The following RSRC1 variants were observed in gnomAD, a reference collection of about 807,000 sequenced individuals.
RSRC1 encodes the protein arginine and serine rich coiled-coil 1, also known as serine/Arginine-related protein 53.
RSRC1 carries 39 observed loss-of-function variants against 49.1 expected under a neutral mutation model. The observed-to-expected ratio is 0.79, with a 90% confidence interval of 0.61 to 1.04. RSRC1 has a LOEUF of 1.04. Among genes scored for constraint, RSRC1 ranks in the 50% least tolerant of loss-of-function variants. RSRC1 has a pLI of 0.00. For synonymous variants in RSRC1, 143 were observed against 130.8 expected, an observed-to-expected ratio of 1.09 and a Z score of -0.63; for missense variants, 388 against 402.4, an observed-to-expected ratio of 0.96 and a Z score of 0.31.
intron 6 of RSRC1, among the ~76,000 whole-genome samples, chr3:158,358,280 G>A (rs9861869): frequency 0.012 from 1,790 of 152,180 alleles, 29 homozygotes; most frequent in African/African-American, 0.041. Context: ...TTTTATAGGC[G>A]ATAATTCACC....
chr3:158,235,251 ATTGT>A (rs1357016020), intron 4 of RSRC1, among the ~76,000 whole-genome samples: 2 of 152,110 alleles, frequency 1.3e-5, no homozygotes, highest in Non-Finnish European at 2.9e-5. Flanking sequence ...CAGGTTGAAC[ATTGT>A]TTGTCCTAGA....
At chr3:158,285,671 A>G (rs1455755133) in intron 4 of RSRC1, among the ~76,000 whole-genome samples, 1 of 151,954 alleles carries the variant, frequency 6.6e-6, no homozygotes, top group African/African-American at 2.4e-5. Flanking sequence ...ATGGGAGTTC[A>G]CTCATGATTT....
intron 7 of RSRC1, among the ~76,000 whole-genome samples, chr3:158,493,136 G>A (rs913572952): frequency 6.6e-6 from 1 of 152,194 alleles, no homozygotes; most frequent in African/African-American, 2.4e-5. Flanking sequence ...GTAGATTGAA[G>A]TAAAGTGAGA....
intron 7 of RSRC1, among the ~76,000 whole-genome samples, chr3:158,511,218 C>G (rs1359213706): frequency 2.0e-5 from 3 of 152,036 alleles, no homozygotes; most frequent in Non-Finnish European, 4.4e-5. Flanking sequence ...AACTCGTCAT[C>G]TAGCATTAGG....
At chr3:158,115,986 G>A (rs1413097155) in intron 1 of RSRC1, among the ~76,000 whole-genome samples, 1 of 152,124 alleles carries the variant, frequency 6.6e-6, no homozygotes, top group Admixed American at 6.5e-5. Context: ...CTTTACCCAC[G>A]CATGGTTTTG....
intron 2 of RSRC1, 145 bp downstream of exon 2, chr3:158,122,443 T>C: frequency 3.6e-6 from 2 of 553,998 alleles, no homozygotes; most frequent in Non-Finnish European, 3.0e-6. Context: ...GTTTTTTTGT[T>C]CCACCAGGTC....
At chr3:158,530,938 A>G (rs1051943468) in intron 7 of RSRC1, among the ~76,000 whole-genome samples, 5 of 150,042 alleles carry the variant, frequency 3.3e-5, no homozygotes, top group African/African-American at 1.2e-4. Context: ...ACTTAAAAAA[A>G]AAAAAAAAAC....
chr3:158,523,417 A>G (rs1437670287), intron 7 of RSRC1, among the ~76,000 whole-genome samples: 1 of 152,074 alleles, frequency 6.6e-6, no homozygotes, highest in Non-Finnish European at 1.5e-5. Context: ...AATCAAGACT[A>G]TATATTACTA....
At chr3:158,122,736 C>G (rs1369788483) in intron 2 of RSRC1, among the ~76,000 whole-genome samples, 3 of 152,168 alleles carry the variant, frequency 2.0e-5, no homozygotes, top group Admixed American at 1.3e-4. Context: ...CCTAGCCCCC[C>G]ACCCCATGAC....
rs1713133013 is a variant in RSRC1 at position 158,543,126 on chromosome 3, CTAAA to C, written c.760-206_760-203del. Among the ~76,000 whole-genome samples the C allele has an allele frequency of 7.9e-5, 12 of 151,756 alleles. No individual in the cohort carries two copies. The South Asian group carries it at 2.3e-3, about 29-fold the overall frequency. ...TTTCTATATATCTATAACTATATTCCTAAATATAGTTATTCCTAAACAAACAAAT... is the reference window on the plus strand; with the variant it reads ...TTTCTATATATCTATAACTATATTCCTATAGTTATTCCTAAACAAACAAAT... On this transcript the variant is annotated intron_variant, in intron 8 of 9. Transcript: ENST00000611884.
At chr3:158,461,027 T>C in intron 7 of RSRC1, 24 bp downstream of exon 7, 1 of 1,541,372 alleles carries the variant, frequency 6.5e-7, no homozygotes, top group African/African-American at 1.4e-5. Flanking sequence ...TTCATTTTTC[T>C]CTGAGAAATC....
At position 158,515,887 on chromosome 3, in the gene RSRC1, A is replaced by G. The variant is rs1300491980; in HGVS notation, c.653-21205A>G. On this transcript the variant is annotated intron_variant, in intron 7 of 9. Coordinates refer to ENST00000611884, the MANE Select transcript of RSRC1 (RefSeq NM_001271838.2). ...CTGATACCCTTTCTTCCAGTTGATC[A>G]CATCGGCTCCTGAGGCTTCTGCATT... Among the ~76,000 whole-genome samples the G allele has an allele frequency of 5.6e-3, 856 of 151,792 alleles. 10 individuals are homozygous for G. Among genetic ancestry groups the G allele is most frequent in the African/African-American group, 0.02 (810 of 41,344 alleles).
chr3:158,301,827 T>C (rs776697720), intron 5 of RSRC1, among the ~76,000 whole-genome samples: 20 of 152,128 alleles, frequency 1.3e-4, no homozygotes, highest in Non-Finnish European at 2.5e-4. Flanking sequence ...TGTATGATGT[T>C]AACATACTTC....
chr3:158,177,019 C>T (rs1422151930), intron 3 of RSRC1, among the ~76,000 whole-genome samples: 3 of 152,312 alleles, frequency 2.0e-5, no homozygotes, highest in East Asian at 3.9e-4. Flanking sequence ...GACATTTATG[C>T]AGCCAACAGA....
intron 3 of RSRC1, among the ~76,000 whole-genome samples, chr3:158,127,626 G>A (rs1715712006): frequency 6.6e-6 from 1 of 151,630 alleles, no homozygotes; most frequent in African/African-American, 2.4e-5. Flanking sequence ...GGATCATTGA[G>A]CTTTAAGACA....
intron 7 of RSRC1, among the ~76,000 whole-genome samples, chr3:158,519,912 G>A (rs1711563432): frequency 6.6e-6 from 1 of 152,074 alleles, no homozygotes; most frequent in South Asian, 2.1e-4. Context: ...TGTTAGAGGT[G>A]CCAGTAGAGA....
At chr3:158,511,028 A>G (rs926854130) in intron 7 of RSRC1, among the ~76,000 whole-genome samples, 2 of 152,042 alleles carry the variant, frequency 1.3e-5, no homozygotes, top group Non-Finnish European at 2.9e-5. Flanking sequence ...ATAGCTCTGC[A>G]TATTTATTTA....
rs1358186307 is a variant in RSRC1, at chr3:158,443,770, G to A, written c.584-17165G>A. On this transcript the variant is annotated intron_variant, in intron 6 of 9. Transcript: ENST00000611884. ...TCCCTCATCTCAGCTTTTGACATGC[G>A]TTCTCACTAAGCTTAGTCATTTCTG... is the stretch of plus-strand genomic sequence containing the variant. 5.3e-5 allele frequency among the ~76,000 whole-genome samples: 8 copies of A among 152,114 alleles called. No individual in the cohort carries two copies. In the South Asian group the frequency reaches 6.2e-4, roughly 12 times the overall value.
At chr3:158,430,601 A>C (rs1368124795) in intron 6 of RSRC1, among the ~76,000 whole-genome samples, 4 of 151,928 alleles carry the variant, frequency 2.6e-5, no homozygotes, top group Admixed American at 2.0e-4. Context: ...TTGAAATTCT[A>C]CTGCTTACCT....
Sources: allele counts gnomAD v4.1 joint callset (sites outside exome capture counted in the v4.1 genomes callset), GRCh38; gene constraint gnomAD v4.1.1; transcripts MANE v1.5; gene names NCBI Gene and HGNC (gene_info 2026-07-23, HGNC 2026-07-21).